The following ARHGEF10 variants were observed in gnomAD, a reference collection of about 807,000 sequenced individuals.
ARHGEF10 encodes the protein Rho guanine nucleotide exchange factor 10.
ARHGEF10 carries 140 observed loss-of-function variants against 147.4 expected under a neutral mutation model. That is an observed-to-expected ratio of 0.95 (90% CI 0.83 to 1.09). ARHGEF10 has a LOEUF of 1.09. Ranked by LOEUF, ARHGEF10 falls within the 50% of genes least tolerant of loss-of-function variation. ARHGEF10 has a pLI of 0.00. For synonymous variants in ARHGEF10, 902 were observed against 695.8 expected, an observed-to-expected ratio of 1.30 and a Z score of -4.67; for missense variants, 2,222 against 1,752.7, an observed-to-expected ratio of 1.27 and a Z score of -4.78.
At chr8:1,917,884 C>T (rs891122686) in intron 18 of ARHGEF10, among the ~76,000 whole-genome samples, 1 of 151,988 alleles carries the variant, frequency 6.6e-6, no homozygotes, top group Non-Finnish European at 1.5e-5. Context: ...AGGTGATTCT[C>T]CTGCCTCAGC....
chr8:1,826,121 C>T (rs774525797), intron 1 of ARHGEF10: 6 of 1,594,398 alleles, frequency 3.8e-6, no homozygotes, highest in Non-Finnish European at 5.1e-6. Context: ...ATGAGACCTC[C>T]AGGATTTCTC....
intron 2 of ARHGEF10, among the ~76,000 whole-genome samples, chr8:1,853,053 C>G (rs1250229502): frequency 7.3e-6 from 1 of 137,032 alleles, no homozygotes; most frequent in Non-Finnish European, 1.6e-5. Flanking sequence ...TTGGGCCGGG[C>G]GCTGGCGGGT....
At chr8:1,859,093 G>C (rs1354354173) in intron 3 of ARHGEF10, among the ~76,000 whole-genome samples, 1 of 143,670 alleles carries the variant, frequency 7.0e-6, no homozygotes, top group East Asian at 2.1e-4. Flanking sequence ...TTTGTGCATA[G>C]TACCCGCCTC....
In ARHGEF10 at chr8:1,903,414, A is replaced by G. The variant is rs1810635443; in HGVS notation, c.1784A>G (p.Gln595Arg). The G allele has an allele frequency of 6.2e-7, 1 of 1,614,130 alleles. No individual in the cohort carries two copies. Among genetic ancestry groups the G allele is most frequent in the African/African-American group, 1.3e-5 (1 of 74,948 alleles). ...RDADQRCEVK[Q>R]IAKAINERYL... ...GCTGATCAACGCTGTGAAGTGAAGC[A>G]AATAGCCAAAGCCATAAACGAAAGA... The change falls in exon 16 of 29, where the codon CAA becomes CGA. Residue 595 changes from glutamine (Q) to arginine (R), a missense_variant. Coordinates refer to ENST00000349830, the MANE Select transcript of ARHGEF10 (RefSeq NM_014629.4).
At chr8:1,881,086 G>A (rs1354166011) in intron 9 of ARHGEF10, among the ~76,000 whole-genome samples, 1 of 152,156 alleles carries the variant, frequency 6.6e-6, no homozygotes, top group Non-Finnish European at 1.5e-5. Context: ...ACATTTGGAG[G>A]TTTTCACAGA....
intron 15 of ARHGEF10, 99 bp downstream of exon 15, chr8:1,898,624 T>A: frequency 8.5e-7 from 1 of 1,182,082 alleles, no homozygotes; most frequent in Non-Finnish European, 1.2e-6. Flanking sequence ...TGGCTGCCCC[T>A]CGGGCCTCCT....
In ARHGEF10 at chr8:1,928,597, G is replaced by A. The variant is rs199899282; in HGVS notation, c.2868G>A (p.Pro956=). 50 of 1,614,070 alleles carry A rather than the reference G, an allele frequency of 3.1e-5. No homozygotes were observed. The highest frequency in any genetic ancestry group is 1.3e-4 in the Admixed American group (8 of 60,008). The change falls in exon 24 of 29, where the codon CCG becomes CCA. Residue 956 remains proline, a synonymous_variant. Transcript: ENST00000349830. ...EPGAPPDPET[P]AVRASDVPTI... is the part of the protein sequence containing the mutation. ...GGGCACCCCCGGACCCCGAGACCCC[G>A]GCCGTGAGAGCTTCTGATGTCCCCA...
chr8:1,899,983 T>G (rs1240757877), intron 15 of ARHGEF10, among the ~76,000 whole-genome samples: 2 of 152,246 alleles, frequency 1.3e-5, no homozygotes, highest in African/African-American at 4.8e-5. Context: ...GATGCGCCAG[T>G]GAGTCCCTGG....
chr8:1,876,435 T>C, intron 7 of ARHGEF10, 136 bp from the exon 8 acceptor site: 1 of 935,612 alleles, frequency 1.1e-6, no homozygotes, highest in Non-Finnish European at 1.7e-6. Context: ...AGCCCGGGGC[T>C]CCGCAGGGTC....
intron 1 of ARHGEF10, among the ~76,000 whole-genome samples, chr8:1,836,598 G>A (rs1803596778): frequency 1.3e-5 from 2 of 152,148 alleles, no homozygotes; most frequent in African/African-American, 4.8e-5. Flanking sequence ...CTCACAGCAG[G>A]TCGGAGTTGG....
intron 27 of ARHGEF10, among the ~76,000 whole-genome samples, chr8:1,952,333 T>G (rs1815122914): frequency 1.3e-5 from 2 of 152,196 alleles, no homozygotes; most frequent in African/African-American, 2.4e-5. Context: ...CAGGCCGCTG[T>G]GTATGTCGGG....
chr8:1,886,827 G>T (rs1808700122), intron 11 of ARHGEF10, among the ~76,000 whole-genome samples: 2 of 152,178 alleles, frequency 1.3e-5, no homozygotes, highest in Admixed American at 6.5e-5. Context: ...GCGAGGAAGG[G>T]GTCGTGTCTG....
intron 7 of ARHGEF10, chr8:1,870,205 A>G (rs1806989818): frequency 7.4e-6 from 1 of 135,016 alleles, no homozygotes; most frequent in South Asian, 2.4e-4. Flanking sequence ...TGAAGTCGGC[A>G]TTTTTCAGGG....
In ARHGEF10 at chr8:1,903,350, G is replaced by T. The variant is rs1437730951; in HGVS notation, c.1720G>T (p.Glu574Ter). ...TCTTCAGATGGCCCTGACAGAGCTC[G>T]AAACACTAGCAGAGAAGTTAAATGA... ...LPLQMALTEL[E>*]TLAEKLNERK... Residue 574 changes from glutamate to a stop codon, truncating the protein, a stop_gained, in exon 16 of 29, where the codon GAA (glutamate) becomes TAA (stop). Transcript: ENST00000349830. LOFTEE classifies it high-confidence loss of function. 1 of 1,614,150 alleles carries T rather than the reference G, an allele frequency of 6.2e-7. No homozygotes were observed. The highest frequency in any genetic ancestry group is 8.5e-7 in the Non-Finnish European group (1 of 1,180,040).
At chr8:1,930,987 C>T (rs1479732968) in intron 25 of ARHGEF10, among the ~76,000 whole-genome samples, 1 of 152,256 alleles carries the variant, frequency 6.6e-6, no homozygotes, top group African/African-American at 2.4e-5. Context: ...GGTCTGCACC[C>T]CCTCTTCACT....
intron 18 of ARHGEF10, among the ~76,000 whole-genome samples, chr8:1,915,121 C>A (rs1030813128): frequency 2.0e-5 from 3 of 152,168 alleles, no homozygotes; most frequent in African/African-American, 4.8e-5. Context: ...AACGGCCTCC[C>A]TTCGTACAGA....
At chr8:1,888,951 A>T (rs1290011004) in intron 11 of ARHGEF10, among the ~76,000 whole-genome samples, 1 of 78,440 alleles carries the variant, frequency 1.3e-5, no homozygotes, top group East Asian at 4.6e-4. Flanking sequence ...CGAGACACTG[A>T]GTGGGGTGAG....
chr8:1,865,970 T>A (rs1024418211), intron 5 of ARHGEF10, among the ~76,000 whole-genome samples: 6 of 152,198 alleles, frequency 3.9e-5, no homozygotes, highest in Admixed American at 3.3e-4. Context: ...TCATCATCCT[T>A]CCGAGTGGAG....
In ARHGEF10 at chr8:1,898,376, G is replaced by GGGCAGGGAGGGCATGGCAGCCC. The variant is rs1165029848; in HGVS notation, c.1558-56_1558-35dup. Reference sequence around the variant, plus strand: ...TGTGGTGGGGAGGAGGCGGCCCCAGGGGCAGGGAGGGCATGGCAGCCCTGC... The same window carrying GGGCAGGGAGGGCATGGCAGCCC: ...TGTGGTGGGGAGGAGGCGGCCCCAGGGGCAGGGAGGGCATGGCAGCCCGGCAGGGAGGGCATGGCAGCCCTGC... On this transcript the variant is annotated intron_variant, in intron 14 of 28. Transcript: ENST00000349830. 4 of 1,506,540 alleles carry GGGCAGGGAGGGCATGGCAGCCC rather than the reference G, an allele frequency of 2.7e-6. No homozygotes were observed. In the African/African-American group the frequency reaches 5.5e-5, roughly 21 times the overall value. 93.3% of individuals were successfully genotyped at this position (1,506,540 alleles called of 1,614,324 possible).
Sources: allele counts gnomAD v4.1 joint callset (sites outside exome capture counted in the v4.1 genomes callset), GRCh38; gene constraint gnomAD v4.1.1; transcripts MANE v1.5; gene names NCBI Gene and HGNC (gene_info 2026-07-23, HGNC 2026-07-21).